Variants in MMAB observed in about 807,000 individuals in gnomAD.
MMAB encodes corrinoid adenosyltransferase MMAB.
MMAB carries 17 observed loss-of-function variants against 30.6 expected under a neutral mutation model. The observed-to-expected ratio is 0.56, with a 90% confidence interval of 0.38 to 0.83. The LOEUF is 0.83. Ranked by LOEUF, MMAB falls within the 40% of genes least tolerant of loss-of-function variation. MMAB has a pLI of 0.00. For missense variants in MMAB, 311 were observed against 331.6 expected (o/e 0.94, Z 0.48); for synonymous variants, 134 against 138.6 (o/e 0.97, Z 0.23).
At chr12:109,563,239 A>G (rs1205307919) in intron 4 of MMAB, among the ~76,000 whole-genome samples, 1 of 152,216 alleles carries the variant, frequency 6.6e-6, no homozygotes, top group African/African-American at 2.4e-5. Flanking sequence ...AAATGGCACC[A>G]GTTTGGGAAT....
In MMAB at chr12:109,561,929, T is replaced by C; in HGVS notation, c.349-77A>G. ...AGAGACAATGTGCAGAGGCGCCACC[T>C]AATACGCCGGCAAAGCCTGTGCCAG... On this transcript the variant is annotated intron_variant, in intron 4 of 8. Coordinates refer to ENST00000545712, the MANE Select transcript of MMAB (RefSeq NM_052845.4). This position sits in a 1 kb window ranked among gnomAD's most constrained non-coding sequence, Gnocchi z 5.3. 1 of 1,329,380 alleles carries C rather than the reference T, an allele frequency of 7.5e-7. No individual in the cohort carries two copies. The allele number at this position is 1,329,380 out of a possible 1,614,324, so 82.3% of individuals were successfully genotyped here.
chr12:109,564,354 C>G (rs1435761110), intron 4 of MMAB, among the ~76,000 whole-genome samples: 1 of 151,216 alleles, frequency 6.6e-6, no homozygotes, highest in African/African-American at 2.4e-5. Flanking sequence ...TTATATGTCT[C>G]CAGTTGTTTG....
chr12:109,567,567 T>A (rs1326431186), intron 3 of MMAB, among the ~76,000 whole-genome samples: 1 of 151,408 alleles, frequency 6.6e-6, no homozygotes, highest in Admixed American at 6.6e-5. Flanking sequence ...CCCGCTGATG[T>A]CAGGCATGTG....
intron 3 of MMAB, 111 bp downstream of exon 3, chr12:109,568,659 G>A: frequency 1.1e-6 from 1 of 881,172 alleles, no homozygotes; most frequent in Non-Finnish European, 1.9e-6. Flanking sequence ...AGTTCAATAA[G>A]GGCTGACAAC....
chr12:109,559,986 T>G (rs942958348), intron 7 of MMAB, among the ~76,000 whole-genome samples: 50 of 152,368 alleles, frequency 3.3e-4, no homozygotes, highest in African/African-American at 1.2e-3. Flanking sequence ...CATGGCTGCG[T>G]AACTCTCTGC....
intron 3 of MMAB, chr12:109,566,871 G>A (rs1884447750): frequency 1.4e-5 from 6 of 425,462 alleles, no homozygotes; most frequent in South Asian, 8.3e-5. Context: ...GCGAGAACTG[G>A]CCTTTTCTCC....
At position 109,556,861 on chromosome 12, in the gene MMAB, C is replaced by A. The variant is rs2136192176; in HGVS notation, c.*167G>T. ...ACAGAATCCCCAAAGGGTCACAGTC[C>A]CTTGAGGAAGGTGGCAAGAGGTGTA... On this transcript the variant is annotated 3_prime_UTR_variant, in exon 9 of 9. Coordinates refer to ENST00000545712, the MANE Select transcript of MMAB (RefSeq NM_052845.4). 1 of 688,024 alleles carries A rather than the reference C, an allele frequency of 1.5e-6. No homozygotes were observed. The highest frequency in any genetic ancestry group is 2.7e-5 in the East Asian group (1 of 36,404). The allele number at this position is 688,024 out of a possible 1,614,324, so 42.6% of individuals were successfully genotyped here. A position where few individuals can be genotyped will look rare whatever the true frequency, so the allele number is the denominator to read the frequency against.
chr12:109,568,075 G>C (rs1401988583), intron 3 of MMAB: 1 of 152,886 alleles, frequency 6.5e-6, no homozygotes, highest in Non-Finnish European at 1.5e-5. Flanking sequence ...TCACATCTTG[G>C]GTAAACCTCA....
rs1484174710 is a variant in MMAB at position 109,561,269 on chromosome 12, G to C, written c.519+151C>G. On this transcript the variant is annotated intron_variant, in intron 6 of 8. Transcript: ENST00000545712. The surrounding 1 kb of genome is among the most constrained non-coding windows in gnomAD (Gnocchi z 5.3). Reference sequence around the variant, plus strand: ...GGGCACGCTGCTCCAGAGTGGGCAGGGCTGGGAGGGACCGGTGAGGACCTG... The same window carrying C: ...GGGCACGCTGCTCCAGAGTGGGCAGCGCTGGGAGGGACCGGTGAGGACCTG... 6.3e-7 allele frequency: 1 copy of C among 1,583,718 alleles called. No homozygotes were observed. Among genetic ancestry groups the C allele is most frequent in the Admixed American group, 1.7e-5 (1 of 57,226 alleles).
At chr12:109,564,055 C>T (rs1318057647) in intron 4 of MMAB, among the ~76,000 whole-genome samples, 2 of 152,244 alleles carry the variant, frequency 1.3e-5, no homozygotes, top group African/African-American at 4.8e-5. Context: ...AGCTAGGCTT[C>T]CCAGGTTCCC....
chr12:109,555,553 C>A lies in MMAB; in HGVS notation c.*1475G>T. The A allele has an allele frequency of 2.2e-6, 1 of 447,872 alleles. No homozygotes were observed. Among genetic ancestry groups the A allele is most frequent in the South Asian group, 1.6e-5 (1 of 63,418 alleles). The allele number at this position is 447,872 out of a possible 1,614,324, so 27.7% of individuals were successfully genotyped here. ...AGGTGATCTGCCTGCCTCGGCCTCCCAAAGTCCGTTTTCAGCTCTGTTTTG... is the reference window on the plus strand; with the variant it reads ...AGGTGATCTGCCTGCCTCGGCCTCCAAAAGTCCGTTTTCAGCTCTGTTTTG... On this transcript the variant is annotated 3_prime_UTR_variant, in exon 9 of 9. Coordinates refer to ENST00000545712, the MANE Select transcript of MMAB (RefSeq NM_052845.4).
Position 109,556,646 on chromosome 12 carries a change from T to TCA in MMAB, c.*381_*382insTG, listed in dbSNP as rs1555273932. 185 of 427,720 alleles carry TCA rather than the reference T, an allele frequency of 4.3e-4. No individual in the cohort carries two copies. Among genetic ancestry groups the TCA allele is most frequent in the East Asian group, 2.3e-3 (32 of 13,826 alleles). 26.5% of individuals were successfully genotyped at this position (427,720 alleles called of 1,614,324 possible). ...CTGAGCTGGCAGTGGGAGGGCTCTCTCTCACACACACACACACACACACAC... is the reference window on the plus strand; with the variant it reads ...CTGAGCTGGCAGTGGGAGGGCTCTCTCACTCACACACACACACACACACACAC... On this transcript the variant is annotated 3_prime_UTR_variant, in exon 9 of 9. Transcript: ENST00000545712.
Position 109,561,745 on chromosome 12 carries a change from G to A in MMAB, c.421+35C>T. ...CCCTAGGAGAGTCCCCTGACCCTAG[G>A]GCCCTCTGAACACCCACAGGAGTTT... is the stretch of plus-strand genomic sequence containing the variant. On this transcript the variant is annotated intron_variant, in intron 5 of 8. Transcript: ENST00000545712. The surrounding 1 kb of genome is among the most constrained non-coding windows in gnomAD (Gnocchi z 5.3). 6.4e-7 allele frequency: 1 copy of A among 1,569,024 alleles called. No homozygotes were observed. The highest frequency in any genetic ancestry group is 8.7e-7 in the Non-Finnish European group (1 of 1,150,470).
chr12:109,568,905 T>C (rs1884535891), intron 2 of MMAB, 42 bp from the exon 3 acceptor site: 2 of 1,390,860 alleles, frequency 1.4e-6, no homozygotes, highest in East Asian at 4.6e-5. Flanking sequence ...AAGATTCTGT[T>C]TTCCTGATAT....
chr12:109,571,500 A>G (rs1012298443), intron 2 of MMAB, 149 bp downstream of exon 2: 5 of 723,478 alleles, frequency 6.9e-6, no homozygotes, highest in African/African-American at 3.5e-5. Context: ...GATTAGCCCA[A>G]CAGGGCCTCC....
chr12:109,572,839 G>A (rs543851837), intron 1 of MMAB, among the ~76,000 whole-genome samples: 18 of 152,128 alleles, frequency 1.2e-4, no homozygotes, highest in Non-Finnish European at 2.5e-4. Flanking sequence ...TCAAAAAGTG[G>A]CATTTTCAAA....
Position 109,565,196 on chromosome 12 carries a change from A to T in MMAB, c.291-20T>A. ...GCAAACCTATGAAGAAAAAGGAAAA[A>T]GAATTTGCCTGTAATGTAATGTCCC... On this transcript the variant is annotated intron_variant, in intron 3 of 8. Transcript: ENST00000545712. 1 of 1,604,250 alleles carries T rather than the reference A, an allele frequency of 6.2e-7. No homozygotes were observed. The highest frequency in any genetic ancestry group is 8.5e-7 in the Non-Finnish European group (1 of 1,171,280).
Position 109,565,121 on chromosome 12 carries a change from T to C in MMAB, c.346A>G (p.Lys116Glu), listed in dbSNP as rs551289581. Reference sequence around the variant, plus strand: ...TTGGGTGAGATGGTGTTACTCACTTTCTGAAGCTCTTCGGCAAATGTATGG... The same window carrying C: ...TTGGGTGAGATGGTGTTACTCACTTCCTGAAGCTCTTCGGCAAATGTATGG... ...KGHTFAEELQ[K>E]IQCTLQDVGS... Residue 116 changes from lysine to glutamate, a missense_variant and splice_region_variant, in exon 4 of 9, where the codon AAA (lysine) becomes GAA (glutamate). By Grantham distance (56) the Lys-to-Glu change is moderately conservative. Transcript: ENST00000545712. 14 of 1,613,704 alleles carry C rather than the reference T, an allele frequency of 8.7e-6. No individual in the cohort carries two copies. The African/African-American group carries it at 1.6e-4, about 18-fold the overall frequency.
At chr12:109,563,784 A>C (rs888191) in intron 4 of MMAB, among the ~76,000 whole-genome samples, 146,306 of 152,364 alleles carry the variant, frequency 0.96, 70,297 homozygotes, top group East Asian at 1. Context: ...CCCACCTACT[A>C]CCCTCCGTCT....
Sources: gnomAD v4.1 joint callset for allele counts (sites outside exome capture counted in the v4.1 genomes callset) on GRCh38, gnomAD v4.1.1 for gene constraint, Gnocchi (gnomAD v3.1) non-coding constraint, MANE v1.5 for transcripts, NCBI Gene and HGNC (gene_info 2026-07-23, HGNC 2026-07-21) for gene names.